The following AGMO variants were observed in gnomAD, a reference collection of about 807,000 sequenced individuals.
AGMO encodes alkylglycerol monooxygenase.
Under a neutral mutation model 60.2 loss-of-function variants are expected in AGMO, and 75 were observed. That is an observed-to-expected ratio of 1.25 (90% CI 1.03 to 1.51). The LOEUF is 1.51. Among genes scored for constraint, AGMO ranks in the 40% most tolerant of loss-of-function variants. The pLI is 0.00. For synonymous variants in AGMO, 261 were observed against 177.1 expected, an observed-to-expected ratio of 1.47 and a Z score of -3.76; for missense variants, 763 against 525.5, an observed-to-expected ratio of 1.45 and a Z score of -4.42.
intron 12 of AGMO, among the ~76,000 whole-genome samples, chr7:15,278,539 C>G (rs1267002731): frequency 6.6e-6 from 1 of 152,030 alleles, no homozygotes; most frequent in African/African-American, 2.4e-5. Context: ...GCAGAACTCT[C>G]AGGTGAGGGC....
chr7:15,184,998 T>C, the AGMO span, among the ~76,000 whole-genome samples: 10 of 152,112 alleles, frequency 6.6e-5, no homozygotes, highest in African/African-American at 2.4e-4. Flanking sequence ...AATTGAATTG[T>C]TTTGTTGTGC....
chr7:15,543,748 C>CT (rs1784693204), intron 3 of AGMO, among the ~76,000 whole-genome samples: 1 of 151,828 alleles, frequency 6.6e-6, no homozygotes, highest in Non-Finnish European at 1.5e-5. Context: ...GTGCAAGTAT[C>CT]TTTTTCATAT....
In AGMO at chr7:15,200,578, C is replaced by T. The variant is rs1254333382; in HGVS notation, c.*707G>A. On this transcript the variant is annotated 3_prime_UTR_variant, in exon 13 of 13. Transcript: ENST00000342526. ...GTGCAATCTCCACTCACTCCAACTT[C>T]TGCCTCCCAGGTTCAAGCGATTCTC... The T allele has an allele frequency of 6.5e-6, 1 of 152,706 alleles. No individual in the cohort carries two copies. Among genetic ancestry groups the T allele is most frequent in the Admixed American group, 6.5e-5 (1 of 15,292 alleles). The allele number at this position is 152,706 out of a possible 1,614,324, so 9.5% of individuals were successfully genotyped here. A position where few individuals can be genotyped will look rare whatever the true frequency, so the allele number is the denominator to read the frequency against.
intron 3 of AGMO, among the ~76,000 whole-genome samples, chr7:15,439,536 G>T (rs1781492807): frequency 6.6e-6 from 1 of 152,078 alleles, no homozygotes; most frequent in Non-Finnish European, 1.5e-5. Flanking sequence ...ACATATCAAA[G>T]AAAGAAAAAC....
chr7:15,438,936 T>C (rs923657223), intron 3 of AGMO, among the ~76,000 whole-genome samples: 25 of 152,238 alleles, frequency 1.6e-4, no homozygotes, highest in African/African-American at 5.3e-4. Context: ...TATCAGTCTA[T>C]CTTCTTCACT....
intron 3 of AGMO, among the ~76,000 whole-genome samples, chr7:15,468,257 C>T (rs1782344620): frequency 6.6e-6 from 1 of 152,092 alleles, no homozygotes; most frequent in Admixed American, 6.6e-5. Flanking sequence ...GTGAGAATTG[C>T]TTTTGTTTTT....
intron 3 of AGMO, among the ~76,000 whole-genome samples, 185 bp from the exon 4 acceptor site, chr7:15,431,293 A>T (rs913090580): frequency 6.6e-6 from 1 of 151,906 alleles, no homozygotes; most frequent in Admixed American, 6.6e-5. Context: ...GACTGTATAC[A>T]TTGTAAATAA....
intron 3 of AGMO, among the ~76,000 whole-genome samples, chr7:15,498,565 C>G (rs992402478): frequency 6.6e-6 from 1 of 151,988 alleles, no homozygotes; most frequent in South Asian, 2.1e-4. Context: ...TAAGGTATTA[C>G]GGCATCTCTC....
In AGMO at chr7:15,544,878, C is replaced by G. The variant is rs1286607651; in HGVS notation, c.303G>C (p.Trp101Cys). 1.9e-6 allele frequency: 3 copies of G among 1,597,418 alleles called. No homozygotes were observed. The highest frequency in any genetic ancestry group is 2.6e-6 in the Non-Finnish European group (3 of 1,170,902). ...GCAAATTGAACAGCCTGTAGTTCTC[C>G]CAGATATAAATATAACTGGTCAGTT... ...SIELTSYIYI[W>C]ENYRLFNLPW... The change falls in exon 3 of 13, where the codon TGG becomes TGC. Residue 101 changes from tryptophan (W) to cysteine (C), a missense_variant. Trp to Cys is a radical substitution (Grantham distance 215). Coordinates refer to ENST00000342526, the MANE Select transcript of AGMO (RefSeq NM_001004320.2).
chr7:15,466,830 AT>A (rs986582228), intron 3 of AGMO, among the ~76,000 whole-genome samples: 8 of 152,296 alleles, frequency 5.3e-5, no homozygotes, highest in African/African-American at 1.4e-4. Flanking sequence ...TTCAAGCAAA[AT>A]TATGAGTCCG....
chr7:15,270,635 T>TTTTTTTTTTTTTTTTTTTTTG (rs1563063233), intron 12 of AGMO, among the ~76,000 whole-genome samples: 1 of 116,300 alleles, frequency 8.6e-6, no homozygotes, highest in African/African-American at 3.4e-5. Context: ...TTTTTTTTTT[T>TTTTTTTTTTTTTTTTTTTTTG]TTGCTGTGCA....
intron 12 of AGMO, among the ~76,000 whole-genome samples, chr7:15,250,025 G>C (rs1160351902): frequency 6.6e-6 from 1 of 152,142 alleles, no homozygotes; most frequent in Non-Finnish European, 1.5e-5. Flanking sequence ...GTAGACAAGT[G>C]ATTACATTCC....
At chr7:15,404,045 T>A (rs1784624287) in intron 5 of AGMO, among the ~76,000 whole-genome samples, 1 of 151,922 alleles carries the variant, frequency 6.6e-6, no homozygotes, top group Non-Finnish European at 1.5e-5. Flanking sequence ...GGTAGCTGAA[T>A]TTCCACACTA....
chr7:15,228,930 C>T (rs1782170000), intron 12 of AGMO, among the ~76,000 whole-genome samples: 1 of 152,062 alleles, frequency 6.6e-6, no homozygotes, highest in Non-Finnish European at 1.5e-5. Context: ...CTGAGTTCGA[C>T]TGCCAGGAAA....
chr7:15,319,938 T>C (rs1362200704), intron 12 of AGMO, among the ~76,000 whole-genome samples: 2 of 152,100 alleles, frequency 1.3e-5, no homozygotes, highest in African/African-American at 4.8e-5. Flanking sequence ...CCATAAAAAA[T>C]GATGAGTTCA....
At chr7:15,221,008 T>C (rs1196665468) in intron 12 of AGMO, among the ~76,000 whole-genome samples, 1 of 152,136 alleles carries the variant, frequency 6.6e-6, no homozygotes, top group Non-Finnish European at 1.5e-5. Context: ...ACTAGGAAAA[T>C]ACAATGAGGA....
At chr7:15,544,577 A>G (rs1414547282) in intron 3 of AGMO, among the ~76,000 whole-genome samples, 195 bp downstream of exon 3, 1 of 152,182 alleles carries the variant, frequency 6.6e-6, no homozygotes, top group Non-Finnish European at 1.5e-5. Context: ...CAATAATTTC[A>G]TATCATTTTT....
chr7:15,152,029 G>A, the AGMO span, among the ~76,000 whole-genome samples: 15 of 152,128 alleles, frequency 9.9e-5, no homozygotes, highest in African/African-American at 1.9e-4. Context: ...AAGTCTCTTC[G>A]TAGGTCTATA....
chr7:15,196,002 C>T (rs562874683), downstream of AGMO, among the ~76,000 whole-genome samples: 7 of 151,642 alleles, frequency 4.6e-5, no homozygotes, highest in South Asian at 1.2e-3. Flanking sequence ...CAGTTCCTCC[C>T]CTTCCCTCCT....
Sources: allele counts gnomAD v4.1 joint callset (sites outside exome capture counted in the v4.1 genomes callset), GRCh38; gene constraint gnomAD v4.1.1; transcripts MANE v1.5; gene names NCBI Gene and HGNC (gene_info 2026-07-23, HGNC 2026-07-21).